Variants in AUTS2 observed in about 807,000 individuals in gnomAD.
The protein encoded by AUTS2 is activator of transcription and developmental regulator AUTS2.
In AUTS2, 17 loss-of-function variants were observed where a neutral mutation model predicts 112.4. The ratio of observed to expected loss-of-function variants is 0.15; its 90% confidence interval spans 0.10 to 0.23. The LOEUF is 0.23. Ranked by LOEUF, AUTS2 falls within the 10% of genes least tolerant of loss-of-function variation. The pLI, the probability that AUTS2 is intolerant of heterozygous loss-of-function variation, is 1.00. For missense variants in AUTS2, 1,510 were observed against 1,701.6 expected, an observed-to-expected ratio of 0.89 and a Z score of 1.98; for synonymous variants, 751 against 702.7, an observed-to-expected ratio of 1.07 and a Z score of -1.09.
intron 5 of AUTS2, among the ~76,000 whole-genome samples, chr7:70,650,744 A>G (rs1233338762): frequency 1.3e-5 from 2 of 152,232 alleles, no homozygotes; most frequent in Non-Finnish European, 2.9e-5. Flanking sequence ...TTCTGTGACC[A>G]TTAACTGTCA....
chr7:70,136,650 T>A (rs1036222157), intron 4 of AUTS2, among the ~76,000 whole-genome samples: 2 of 152,188 alleles, frequency 1.3e-5, no homozygotes, highest in African/African-American at 2.4e-5. Context: ...AGGCTCAGCT[T>A]CAGGTAAGTG....
intron 2 of AUTS2, among the ~76,000 whole-genome samples, chr7:70,045,006 C>T (rs1462631352): frequency 6.6e-6 from 1 of 151,362 alleles, no homozygotes; most frequent in African/African-American, 2.4e-5. Flanking sequence ...GGTGATGAGA[C>T]TGGACCTACT....
chr7:70,611,044 G>T (rs1804067531), intron 5 of AUTS2, among the ~76,000 whole-genome samples: 1 of 152,182 alleles, frequency 6.6e-6, no homozygotes, highest in Non-Finnish European at 1.5e-5. Context: ...ACATCTTTGT[G>T]AATGTCATGG....
At chr7:69,726,297 G>A (rs1258749173) in intron 1 of AUTS2, among the ~76,000 whole-genome samples, 1 of 152,110 alleles carries the variant, frequency 6.6e-6, no homozygotes, top group African/African-American at 2.4e-5. Flanking sequence ...AATTATACAA[G>A]TATGTGCTCT....
chr7:69,832,132 AC>A (rs34383925), intron 1 of AUTS2, among the ~76,000 whole-genome samples: 1 of 151,700 alleles, frequency 6.6e-6, no homozygotes, highest in Non-Finnish European at 1.5e-5. Context: ...CTCACCGACA[AC>A]CCCCTACCCT....
At chr7:70,648,158 G>GAGTTTTGTTTTTTGAGAC (rs1806277715) in intron 5 of AUTS2, among the ~76,000 whole-genome samples, 1 of 152,190 alleles carries the variant, frequency 6.6e-6, no homozygotes, top group African/African-American at 2.4e-5. Context: ...AACACATGAA[G>GAGTTTTGTTTTTTGAGAC]AGTCTAGAAT....
intron 1 of AUTS2, among the ~76,000 whole-genome samples, chr7:69,628,968 C>T (rs554503986): frequency 7.2e-5 from 11 of 152,248 alleles, no homozygotes; most frequent in Non-Finnish European, 1.2e-4. Context: ...ATTGCATTTG[C>T]GTAAACCATT....
At chr7:69,654,805 A>T (rs993594419) in intron 1 of AUTS2, among the ~76,000 whole-genome samples, 1 of 152,068 alleles carries the variant, frequency 6.6e-6, no homozygotes, top group African/African-American at 2.4e-5. Flanking sequence ...GTGGTCTTTG[A>T]TGATGGCAAC....
At chr7:70,461,429 T>G (rs754243059) in intron 5 of AUTS2, among the ~76,000 whole-genome samples, 2 of 152,112 alleles carry the variant, frequency 1.3e-5, no homozygotes, top group Non-Finnish European at 1.5e-5. Flanking sequence ...TTGGCTTAGT[T>G]ACCAAAGGCT....
chr7:70,343,958 C>T (rs1445531062), intron 4 of AUTS2, among the ~76,000 whole-genome samples: 1 of 152,062 alleles, frequency 6.6e-6, no homozygotes, highest in Non-Finnish European at 1.5e-5. Flanking sequence ...TGTTGCAGCC[C>T]ATTGAAGCTA....
intron 5 of AUTS2, among the ~76,000 whole-genome samples, chr7:70,527,754 G>C (rs1017553570): frequency 2.0e-5 from 3 of 152,096 alleles, no homozygotes; most frequent in African/African-American, 4.8e-5. Flanking sequence ...TGAATTCACT[G>C]GGGGGGAAGT....
At chr7:70,613,928 C>T (rs888176769) in intron 5 of AUTS2, among the ~76,000 whole-genome samples, 1 of 152,136 alleles carries the variant, frequency 6.6e-6, no homozygotes, top group African/African-American at 2.4e-5. Flanking sequence ...GTTTAGTGTC[C>T]CAGTAGTACC....
In AUTS2 at chr7:69,790,075, G is replaced by GT. The variant is rs1359784242; in HGVS notation, c.310-109208dup. Reference sequence around the variant, plus strand: ...CTGGGAAGATTGCTTGAGCTCAGGAGTTTAAGACTAGCCTGGGCAAAATAG... The same window carrying GT: ...CTGGGAAGATTGCTTGAGCTCAGGAGTTTTAAGACTAGCCTGGGCAAAATAG... On this transcript the variant is annotated intron_variant, in intron 1 of 18. Transcript: ENST00000342771. Among the ~76,000 whole-genome samples the GT allele has an allele frequency of 4.6e-5, 7 of 151,902 alleles. 1 individual carries two copies.
At chr7:70,218,890 A>G (rs930537956) in intron 4 of AUTS2, among the ~76,000 whole-genome samples, 2 of 152,102 alleles carry the variant, frequency 1.3e-5, no homozygotes, top group African/African-American at 4.8e-5. Context: ...ATTCATCACT[A>G]TCATATGAAA....
chr7:70,343,570 G>A (rs1200289991), intron 4 of AUTS2, among the ~76,000 whole-genome samples: 1 of 152,148 alleles, frequency 6.6e-6, no homozygotes, highest in East Asian at 1.9e-4. Flanking sequence ...TCTGGAAGAC[G>A]GGTGATGGAA....
At chr7:70,208,026 A>G (rs1248914491) in intron 4 of AUTS2, among the ~76,000 whole-genome samples, 2 of 151,368 alleles carry the variant, frequency 1.3e-5, no homozygotes, top group East Asian at 1.9e-4. Context: ...AAAAAAAAAA[A>G]AAAAAAAACC....
At chr7:70,468,000 G>A (rs773469092) in intron 5 of AUTS2, among the ~76,000 whole-genome samples, 12 of 152,168 alleles carry the variant, frequency 7.9e-5, no homozygotes, top group East Asian at 1.9e-4. Flanking sequence ...GACATGTGCC[G>A]GAGAAGACAA....
At chr7:69,793,068 T>C (rs1014869227) in intron 1 of AUTS2, among the ~76,000 whole-genome samples, 8 of 152,198 alleles carry the variant, frequency 5.3e-5, no homozygotes, top group African/African-American at 1.9e-4. Context: ...ACTTTTATTC[T>C]GTTTCCACTG....
chr7:69,857,540 G>A (rs1265519301), intron 1 of AUTS2, among the ~76,000 whole-genome samples: 1 of 152,198 alleles, frequency 6.6e-6, no homozygotes, highest in Non-Finnish European at 1.5e-5. Context: ...TCTGAAGGGA[G>A]GAAAGTAGGG....
Sources: allele counts gnomAD v4.1 joint callset (sites outside exome capture counted in the v4.1 genomes callset), GRCh38; gene constraint gnomAD v4.1.1; transcripts MANE v1.5; gene names NCBI Gene and HGNC (gene_info 2026-07-23, HGNC 2026-07-21).